NXPE3: variants seen among roughly 807,000 people sequenced by gnomAD.
The protein encoded by NXPE3 is NXPE family member 3.
Under a neutral mutation model 46.1 loss-of-function variants are expected in NXPE3, and 26 were observed. The ratio of observed to expected loss-of-function variants is 0.56; its 90% CI spans 0.41 to 0.78. NXPE3 has a LOEUF of 0.78. Among genes scored for constraint, NXPE3 ranks in the 30% least tolerant of loss-of-function variants. The probability of loss-of-function intolerance (pLI) is 0.00; values close to 1 mark genes in which losing one functional copy is unlikely to be tolerated. For synonymous variants in NXPE3, 272 were observed against 257.9 expected (o/e 1.05, Z -0.52); for missense variants, 620 against 686.0 (o/e 0.90, Z 1.07).
rs1359984713 is a variant in NXPE3, at chr3:101,801,577, G to T, written c.436G>T (p.Ala146Ser). The part of the protein sequence containing the change: ...PKKYGGDYLQ[A>S]RIHSLKLQAG... ...GAAGTATGGTGGAGACTACCTGCAG[G>T]CCAGAATTCACTCCCTCAAGCTGCA... Residue 146 changes from alanine to serine, a missense_variant, in exon 5 of 8, where the codon GCC (alanine) becomes TCC (serine). This residue lies in a region of NXPE3 where 511 missense variants were observed against 528.6 expected (regional missense o/e 0.97). Transcript: ENST00000273347. 4 of 1,614,202 alleles carry T rather than the reference G, an allele frequency of 2.5e-6. No individual in the cohort carries two copies. The highest frequency in any genetic ancestry group is 3.4e-6 in the Non-Finnish European group (4 of 1,180,034).
At chr3:101,784,686 C>T (rs775972166) in intron 3 of NXPE3, among the ~76,000 whole-genome samples, 1 of 152,154 alleles carries the variant, frequency 6.6e-6, no homozygotes, top group Non-Finnish European at 1.5e-5. Flanking sequence ...CGTGGGAGAA[C>T]AGTTAGGCAC....
chr3:101,813,909 C>G (rs1941839780), intron 6 of NXPE3, among the ~76,000 whole-genome samples: 1 of 152,040 alleles, frequency 6.6e-6, no homozygotes, highest in Non-Finnish European at 1.5e-5. Flanking sequence ...CCCAGTTGAC[C>G]ATAAGGGGGC....
chr3:101,801,336 T>C lies in NXPE3; in HGVS notation c.195T>C (p.Tyr65=), dbSNP rs1216677866. Residue 65 remains tyrosine (Y), a synonymous_variant, in exon 5 of 8, where the codon TAT becomes TAC. Transcript: ENST00000273347. The part of the protein sequence containing the change: ...TGISRNPYCG[Y]DQQTLSSQER... The stretch of plus-strand genomic sequence containing the variant: ...TTAGCCGAAATCCCTACTGTGGCTA[T>C]GATCAGCAGACCCTGTCCAGCCAGG... 1.9e-6 allele frequency: 3 copies of C among 1,614,222 alleles called. No individual in the cohort carries two copies. Among genetic ancestry groups the C allele is most frequent in the Middle Eastern group, 3.3e-4 (2 of 6,062 alleles).
In NXPE3 at chr3:101,793,331, T is replaced by C. The variant is rs77602703; in HGVS notation, c.93+7642T>C. On this transcript the variant is annotated intron_variant, in intron 4 of 7. Transcript: ENST00000273347. ...GTGGTGAGAGGTGACATGCTTTTCT[T>C]GTGCTGGTTTTCACGGGGAATGCTT... is the stretch of plus-strand genomic sequence containing the variant. Among the ~76,000 whole-genome samples the C allele has an allele frequency of 9.1e-3, 1,388 of 152,300 alleles. 17 individuals carry two copies. Among genetic ancestry groups the C allele is most frequent in the African/African-American group, 0.032 (1,321 of 41,566 alleles).
rs1022191512 is a variant in NXPE3 at position 101,824,288 on chromosome 3, A to G, written c.*2334A>G. ...TGTTTATTATTTTGGGGGATTTACCAATAACTGGTTTAATTCTGTTCATGA... is the reference window on the plus strand; with the variant it reads ...TGTTTATTATTTTGGGGGATTTACCGATAACTGGTTTAATTCTGTTCATGA... On this transcript the variant is annotated 3_prime_UTR_variant, in exon 8 of 8. Transcript: ENST00000273347. 3 of 152,172 alleles carry G rather than the reference A, an allele frequency of 2.0e-5. No individual in the cohort carries two copies. The highest frequency in any genetic ancestry group is 7.2e-5 in the African/African-American group (3 of 41,438). The allele number at this position is 152,172 out of a possible 1,614,324, so 9.4% of individuals were successfully genotyped here.
intron 4 of NXPE3, among the ~76,000 whole-genome samples, chr3:101,800,874 T>C (rs1197849282): frequency 2.6e-5 from 4 of 152,196 alleles, no homozygotes; most frequent in Non-Finnish European, 1.5e-5. Context: ...TACTTTTTTC[T>C]TGGTGTTTCT....
chr3:101,790,365 T>C (rs1169278021), intron 4 of NXPE3, among the ~76,000 whole-genome samples: 1 of 152,236 alleles, frequency 6.6e-6, no homozygotes, highest in Non-Finnish European at 1.5e-5. Context: ...TATTTCACCT[T>C]GCATTTCTGT....
intron 4 of NXPE3, among the ~76,000 whole-genome samples, chr3:101,794,239 A>G (rs1025682348): frequency 6.6e-6 from 1 of 150,400 alleles, no homozygotes; most frequent in East Asian, 2.0e-4. Flanking sequence ...TGAAGGGGGG[A>G]GGAGAGGATG....
In NXPE3 at chr3:101,825,123, T is replaced by A. The variant is rs1270585405; in HGVS notation, c.*3169T>A. On this transcript the variant is annotated 3_prime_UTR_variant, in exon 8 of 8. Transcript: ENST00000273347. ...CCCAGGTGTTAAGCCTAGTACCCAT[T>A]AGTAATTTTTCCTGATCCTCTCCCT... is the stretch of plus-strand genomic sequence containing the variant. 2.6e-5 allele frequency: 4 copies of A among 152,202 alleles called. No homozygotes were observed. The East Asian group carries it at 7.7e-4, about 29-fold the overall frequency. 9.4% of individuals were successfully genotyped at this position (152,202 alleles called of 1,614,324 possible).
At position 101,801,388 on chromosome 3, in the gene NXPE3, G is replaced by T; in HGVS notation, c.247G>T (p.Ala83Ser). 6.2e-7 allele frequency: 1 copy of T among 1,614,200 alleles called. No homozygotes were observed. Among genetic ancestry groups the T allele is most frequent in the East Asian group, 2.2e-5 (1 of 44,882 alleles). The change falls in exon 5 of 8, where the codon GCT becomes TCT. Residue 83 changes from alanine to serine, a missense_variant. Around this residue, in one of 3 missense-constraint regions of NXPE3, gnomAD observed 511 missense variants for 528.6 expected, o/e 0.97. Coordinates refer to ENST00000273347, the MANE Select transcript of NXPE3 (RefSeq NM_145037.4). ...GCGCATGGAGGAGGACTCCTTGCTGGCTGCCTTGCACCGGCAGGTTCCTGA... is the reference window on the plus strand; with the variant it reads ...GCGCATGGAGGAGGACTCCTTGCTGTCTGCCTTGCACCGGCAGGTTCCTGA... ...QERMEEDSLL[A>S]ALHRQVPDVG...
At chr3:101,820,022 T>C (rs1236516415) in intron 7 of NXPE3, among the ~76,000 whole-genome samples, 2 of 152,162 alleles carry the variant, frequency 1.3e-5, no homozygotes, top group African/African-American at 4.8e-5. Context: ...TGTGTGTGGC[T>C]TATTTCACTT....
Position 101,821,797 on chromosome 3 carries a change from T to C in NXPE3, c.1523T>C (p.Ile508Thr). 6.2e-7 allele frequency: 1 copy of C among 1,614,146 alleles called. No individual in the cohort carries two copies. The highest frequency in any genetic ancestry group is 8.5e-7 in the Non-Finnish European group (1 of 1,180,018). ...SDWYNFQLDT[I>T]LRRMFSGVGV... ...TGGTACAACTTTCAGCTGGACACCA[T>C]CCTTCGGAGGATGTTCTCAGGGGTT... The change falls in exon 8 of 8, where the codon ATC becomes ACC. Residue 508 changes from isoleucine (I) to threonine (T), a missense_variant. Transcript: ENST00000273347.
chr3:101,806,242 A>C (rs1309637614), intron 5 of NXPE3, among the ~76,000 whole-genome samples: 4 of 152,234 alleles, frequency 2.6e-5, no homozygotes, highest in African/African-American at 9.6e-5. Flanking sequence ...TCCCATATCA[A>C]GAATTTGAGA....
chr3:101,780,606 C>G (rs1939759590), intron 1 of NXPE3, among the ~76,000 whole-genome samples: 2 of 152,058 alleles, frequency 1.3e-5, no homozygotes, highest in African/African-American at 4.8e-5. Context: ...CCTACAGATT[C>G]TGATTTAATT....
chr3:101,785,555 T>C lies in NXPE3; in HGVS notation c.-42T>C. ...GACATGGAATTTTAAAGAGTGAAGG[T>C]AGCATGGTGTCGGCCATGGGTGAAC... is the stretch of plus-strand genomic sequence containing the variant. On this transcript the variant is annotated 5_prime_UTR_variant, in exon 4 of 8. Coordinates refer to ENST00000273347, the MANE Select transcript of NXPE3 (RefSeq NM_145037.4). 6.6e-7 allele frequency: 1 copy of C among 1,523,196 alleles called. No homozygotes were observed. Among genetic ancestry groups the C allele is most frequent in the Non-Finnish European group, 9.1e-7 (1 of 1,097,172 alleles). The allele number at this position is 1,523,196 out of a possible 1,614,324, so 94.4% of individuals were successfully genotyped here. A position where few individuals can be genotyped will look rare whatever the true frequency, so the allele number is the denominator to read the frequency against.
intron 5 of NXPE3, among the ~76,000 whole-genome samples, chr3:101,804,031 G>A (rs1200841971): frequency 6.6e-6 from 1 of 152,164 alleles, no homozygotes; most frequent in Non-Finnish European, 1.5e-5. Flanking sequence ...GATCAAATCA[G>A]GGTAATTGGA....
chr3:101,799,139 T>C (rs1195772807), intron 4 of NXPE3, among the ~76,000 whole-genome samples: 1 of 151,914 alleles, frequency 6.6e-6, no homozygotes, highest in Non-Finnish European at 1.5e-5. Context: ...GGGGTCTTGC[T>C]ATGTTTCCCA....
intron 5 of NXPE3, among the ~76,000 whole-genome samples, chr3:101,802,907 T>C (rs549077372): frequency 2.6e-5 from 4 of 152,166 alleles, no homozygotes; most frequent in African/African-American, 9.6e-5. Context: ...CCAAGCGTGG[T>C]GGCTCATGAC....
In NXPE3 at chr3:101,821,606, A is replaced by G; in HGVS notation, c.1332A>G (p.Val444=). 2 of 1,614,210 alleles carry G rather than the reference A, an allele frequency of 1.2e-6. No individual in the cohort carries two copies. Among genetic ancestry groups the G allele is most frequent in the South Asian group, 1.1e-5 (1 of 91,088 alleles). Reference sequence around the variant, plus strand: ...AGAACACAGTGGTTGCCATAGCTGTATGGTCTCACTTCAGCACCTTCCCTT... The same window carrying G: ...AGAACACAGTGGTTGCCATAGCTGTGTGGTCTCACTTCAGCACCTTCCCTT... The part of the protein sequence containing the change: ...GGKNTVVAIA[V]WSHFSTFPLE... The change falls in exon 8 of 8, where the codon GTA becomes GTG. Residue 444 remains valine, a synonymous_variant. Transcript: ENST00000273347.
Sources: gnomAD v4.1 joint callset for allele counts (sites outside exome capture counted in the v4.1 genomes callset) on GRCh38, gnomAD v4.1.1 for gene constraint, gnomAD v4.1.1 regional missense constraint, MANE v1.5 for transcripts, NCBI Gene and HGNC (gene_info 2026-07-23, HGNC 2026-07-21) for gene names.